Variants in YIPF7 observed in about 807,000 individuals in gnomAD.
YIPF7 encodes the protein protein YIPF7.
A neutral mutation model predicts 27.2 loss-of-function variants in YIPF7; 35 were observed. The ratio of observed to expected loss-of-function variants is 1.29; its 90% CI spans 0.98 to 1.70. YIPF7 has a LOEUF of 1.70. Among genes scored for constraint, YIPF7 ranks in the 40% most tolerant of loss-of-function variants. The pLI, the probability that YIPF7 is intolerant of heterozygous loss-of-function variation, is 0.00. For synonymous variants in YIPF7, 137 were observed against 110.4 expected, an observed-to-expected ratio of 1.24 and a Z score of -1.51; for missense variants, 358 against 303.7, an observed-to-expected ratio of 1.18 and a Z score of -1.33.
rs11461675 is a variant in YIPF7, at chr4:44,660,113, C to CAAAAAAAAAA, written c.-2+326_-2+335dup. Reference sequence around the variant, plus strand: ...TGGGTGACAGAGCAAGACTCTGTCTCAAAAAAAAAAAAAAAAAAAAAAACG... The same window carrying CAAAAAAAAAA: ...TGGGTGACAGAGCAAGACTCTGTCTCAAAAAAAAAAAAAAAAAAAAAAAAAAAAAAAAACG... On this transcript the variant is annotated intron_variant, in intron 2 of 2. Transcript: ENST00000508947. 5.5e-4 allele frequency among the ~76,000 whole-genome samples: 14 copies of CAAAAAAAAAA among 25,520 alleles called. 1 individual carries two copies. The highest frequency in any genetic ancestry group is 1.5e-3 in the African/African-American group (13 of 8,696). 16.7% of individuals were successfully genotyped at this position (25,520 alleles called of 152,430 possible). A position where few individuals can be genotyped will look rare whatever the true frequency, so the allele number is the denominator to read the frequency against.
intron 2 of YIPF7, among the ~76,000 whole-genome samples, chr4:44,639,723 A>G (rs1480118880): frequency 6.6e-6 from 1 of 152,098 alleles, no homozygotes; most frequent in Non-Finnish European, 1.5e-5. Flanking sequence ...TTCCACTACT[A>G]TGTTGAACAG....
chr4:44,625,926 A>G (rs915769672), intron 4 of YIPF7, among the ~76,000 whole-genome samples: 14 of 152,202 alleles, frequency 9.2e-5, no homozygotes, highest in Admixed American at 4.6e-4. Context: ...AATTAGACAA[A>G]AACAATGAAG....
intron 2 of YIPF7, among the ~76,000 whole-genome samples, chr4:44,640,588 A>G (rs1560327171): frequency 6.6e-6 from 1 of 152,286 alleles, no homozygotes; most frequent in Non-Finnish European, 1.5e-5. Flanking sequence ...CCAGTGAGTA[A>G]GAGACTTGCT....
At chr4:44,631,708 G>T (rs1345969689) in intron 3 of YIPF7, among the ~76,000 whole-genome samples, 1 of 152,002 alleles carries the variant, frequency 6.6e-6, no homozygotes, top group African/African-American at 2.4e-5. Flanking sequence ...ATGCTTTGAA[G>T]AATATGAGCA....
chr4:44,654,524 C>G (rs975396517), upstream of YIPF7, among the ~76,000 whole-genome samples: 2 of 151,892 alleles, frequency 1.3e-5, no homozygotes, highest in Non-Finnish European at 2.9e-5. Flanking sequence ...TTGATCCTAT[C>G]TATTCCCATG....
At chr4:44,641,516 T>C (rs897820484) in intron 2 of YIPF7, among the ~76,000 whole-genome samples, 4 of 152,222 alleles carry the variant, frequency 2.6e-5, no homozygotes, top group Admixed American at 1.3e-4. Flanking sequence ...GTTTCTTTCA[T>C]AAAAGCCCTT....
chr4:44,638,248 T>C (rs1713206229), intron 2 of YIPF7, among the ~76,000 whole-genome samples: 1 of 150,780 alleles, frequency 6.6e-6, no homozygotes, highest in Admixed American at 6.6e-5. Flanking sequence ...TTGGCTGTTT[T>C]TATTGCCGAT....
intron 2 of YIPF7, among the ~76,000 whole-genome samples, chr4:44,649,288 G>A (rs1713642002): frequency 6.6e-6 from 1 of 152,146 alleles, no homozygotes; most frequent in East Asian, 1.9e-4. Context: ...GAAAAGAGGA[G>A]ACAAGCCTTT....
chr4:44,646,629 G>A (rs1369224017), intron 2 of YIPF7, among the ~76,000 whole-genome samples: 1 of 152,120 alleles, frequency 6.6e-6, no homozygotes, highest in Non-Finnish European at 1.5e-5. Context: ...GAATAATTAT[G>A]TTTTTAAAAA....
intron 2 of YIPF7, among the ~76,000 whole-genome samples, chr4:44,641,072 G>A (rs1411389746): frequency 6.6e-6 from 1 of 152,048 alleles, no homozygotes; most frequent in African/African-American, 2.4e-5. Context: ...CCCATAACCT[G>A]AATTATGCAA....
At chr4:44,627,358 T>A (rs73191052) in intron 4 of YIPF7, among the ~76,000 whole-genome samples, 10,778 of 152,220 alleles carry the variant, frequency 0.071, 433 homozygotes, top group Admixed American at 0.097. Context: ...TATGTCAACA[T>A]AAATCTTAAA....
chr4:44,643,753 A>T (rs1184841578), intron 2 of YIPF7, among the ~76,000 whole-genome samples: 1 of 152,066 alleles, frequency 6.6e-6, no homozygotes, highest in Admixed American at 6.5e-5. Context: ...GCCCAGTTAC[A>T]GCTCACTGCT....
intron 4 of YIPF7, 47 bp from the exon 5 acceptor site, chr4:44,624,829 G>T (rs6838327): frequency 2.0e-6 from 3 of 1,518,274 alleles, no homozygotes; most frequent in Non-Finnish European, 1.8e-6. Flanking sequence ...AATGGACACC[G>T]AGAGGAAATC....
Position 44,624,633 on chromosome 4 carries a change from G to A in YIPF7, c.576C>T (p.Ile192=), listed in dbSNP as rs750385797. 5.6e-6 allele frequency: 9 copies of A among 1,598,900 alleles called. No homozygotes were observed. In the South Asian group the frequency reaches 9.1e-5, roughly 16 times the overall value. ...VLGYCLLPMV[I]LSGCAMFFSL... ...AAAAGAACATGGCGCAACCAGACAGGATGACCATGGGGAGCAGGCAGTAAC... is the reference window on the plus strand; with the variant it reads ...AAAAGAACATGGCGCAACCAGACAGAATGACCATGGGGAGCAGGCAGTAAC... Residue 192 remains isoleucine (I), a synonymous_variant, in exon 5 of 6, where the codon ATC becomes ATT. Coordinates refer to ENST00000415895, the MANE Select transcript of YIPF7 (RefSeq NM_182592.3).
chr4:44,657,199 C>A (rs1227044310), intron 2 of YIPF7, among the ~76,000 whole-genome samples: 2 of 152,164 alleles, frequency 1.3e-5, no homozygotes, highest in East Asian at 1.9e-4. Flanking sequence ...TATACAAATT[C>A]TATTTCATAA....
intron 3 of YIPF7, among the ~76,000 whole-genome samples, chr4:44,630,517 T>C (rs1180552536): frequency 6.6e-6 from 1 of 152,234 alleles, no homozygotes; most frequent in East Asian, 1.9e-4. Flanking sequence ...GTCAATGTAC[T>C]GTGAAGTTGA....
chr4:44,658,140 T>C (rs1430685543), intron 2 of YIPF7, among the ~76,000 whole-genome samples: 2 of 152,164 alleles, frequency 1.3e-5, no homozygotes, highest in Admixed American at 1.3e-4. Flanking sequence ...AATCCATACA[T>C]TGAAATCTAA....
rs891534714 is a variant in YIPF7 at position 44,622,265 on chromosome 4, C to T, written c.*149G>A. On this transcript the variant is annotated 3_prime_UTR_variant, in exon 6 of 6. Coordinates refer to ENST00000415895, the MANE Select transcript of YIPF7 (RefSeq NM_182592.3). ...CATTCAAACCAACAGGCTATTAGAG[C>T]ACCACCCTTAAGTGCTGCTTTGTCT... 2.1e-5 allele frequency: 20 copies of T among 960,436 alleles called. No individual in the cohort carries two copies. Among genetic ancestry groups the T allele is most frequent in the Middle Eastern group, 3.3e-4 (1 of 3,022 alleles). The allele number at this position is 960,436 out of a possible 1,614,324, so 59.5% of individuals were successfully genotyped here.
At chr4:44,642,562 G>T (rs1393395954) in intron 2 of YIPF7, among the ~76,000 whole-genome samples, 1 of 152,120 alleles carries the variant, frequency 6.6e-6, no homozygotes, top group African/African-American at 2.4e-5. Context: ...ATATAGTTTG[G>T]ATCTGTGTCC....
Sources: allele counts gnomAD v4.1 joint callset (sites outside exome capture counted in the v4.1 genomes callset), GRCh38; gene constraint gnomAD v4.1.1; transcripts MANE v1.5; gene names NCBI Gene and HGNC (gene_info 2026-07-23, HGNC 2026-07-21).